MED12L: variants seen among roughly 807,000 people sequenced by gnomAD.
The protein encoded by MED12L is mediator complex subunit 12L, also known as mediator of RNA polymerase II transcription subunit 12-like protein.
Under a neutral mutation model 281.3 loss-of-function variants are expected in MED12L, and 60 were observed. The observed-to-expected ratio is 0.21, with a 90% CI of 0.17 to 0.26. The LOEUF is 0.26. Among genes scored for constraint, MED12L ranks in the 10% least tolerant of loss-of-function variants. The pLI is 1.00. For synonymous variants in MED12L, 974 were observed against 987.2 expected (o/e 0.99, Z 0.25); for missense variants, 2,146 against 2,680.9 (o/e 0.80, Z 4.41).
intron 36 of MED12L, among the ~76,000 whole-genome samples, chr3:151,386,640 G>A (rs1449636946): frequency 1.3e-5 from 2 of 149,500 alleles, no homozygotes; most frequent in African/African-American, 4.9e-5. Flanking sequence ...GCAGTGGCGT[G>A]ATCTCGGCTC....
chr3:151,416,512 A>G lies in MED12L; in HGVS notation c.6408+90A>G, dbSNP rs1560143024. Reference sequence around the variant, plus strand: ...ATGTTCATAAGATTGTTAAGAATCGACAAAGCCTAAGTATACCCTAAAAAT... The same window carrying G: ...ATGTTCATAAGATTGTTAAGAATCGGCAAAGCCTAAGTATACCCTAAAAAT... On this transcript the variant is annotated intron_variant, in intron 43 of 44. Coordinates refer to ENST00000687756, the MANE Select transcript of MED12L (RefSeq NM_001393769.1). 3 of 1,417,536 alleles carry G rather than the reference A, an allele frequency of 2.1e-6. No individual in the cohort carries two copies. In the Admixed American group the frequency reaches 6.3e-5, roughly 30 times the overall value. The allele number at this position is 1,417,536 out of a possible 1,614,324, so 87.8% of individuals were successfully genotyped here. A position where few individuals can be genotyped will look rare whatever the true frequency, so the allele number is the denominator to read the frequency against.
intron 39 of MED12L, 104 bp downstream of exon 39, chr3:151,394,971 G>A: frequency 4.2e-6 from 6 of 1,430,610 alleles, no homozygotes; most frequent in Non-Finnish European, 5.7e-6. Flanking sequence ...GCATATCCCT[G>A]TATACTTGTG....
chr3:151,329,439 A>G (rs1318841610), intron 16 of MED12L: 6 of 1,305,668 alleles, frequency 4.6e-6, no homozygotes, highest in Admixed American at 4.3e-5. Context: ...ATATTCTTTT[A>G]TATAAGCAAG....
intron 16 of MED12L, among the ~76,000 whole-genome samples, chr3:151,205,162 C>G (rs1009929487): frequency 3.3e-5 from 5 of 152,162 alleles, no homozygotes; most frequent in Admixed American, 2.0e-4. Flanking sequence ...ATCTGTTTCA[C>G]TGAGGACAAG....
intron 27 of MED12L, among the ~76,000 whole-genome samples, chr3:151,375,234 C>T (rs1756684526): frequency 1.3e-5 from 2 of 152,108 alleles, no homozygotes; most frequent in African/African-American, 4.8e-5. Flanking sequence ...TTATAAAGAT[C>T]CCAGGTAATT....
chr3:151,118,971 G>A (rs186573131), intron 3 of MED12L, among the ~76,000 whole-genome samples: 41 of 152,306 alleles, frequency 2.7e-4, no homozygotes, highest in African/African-American at 9.6e-4. Context: ...ACAGATGTGA[G>A]CCACTGTGCC....
At chr3:151,328,720 T>C (rs755787621) in intron 16 of MED12L, 12 of 1,613,850 alleles carry the variant, frequency 7.4e-6, no homozygotes, top group Non-Finnish European at 1.0e-5. Flanking sequence ...ACACAAAAGC[T>C]CTGAGCTGCC....
intron 16 of MED12L, among the ~76,000 whole-genome samples, chr3:151,334,950 T>C (rs534051582): frequency 2.0e-5 from 3 of 152,340 alleles, no homozygotes. Flanking sequence ...ACCTTATTTA[T>C]GGACATTGAA....
chr3:151,117,445 T>C (rs1346521155), intron 3 of MED12L, among the ~76,000 whole-genome samples: 2 of 152,180 alleles, frequency 1.3e-5, no homozygotes, highest in African/African-American at 4.8e-5. Flanking sequence ...GACACATAGA[T>C]ACATATTTTT....
chr3:151,291,351 T>C (rs1744241765), intron 16 of MED12L, among the ~76,000 whole-genome samples: 1 of 152,170 alleles, frequency 6.6e-6, no homozygotes, highest in South Asian at 2.1e-4. Context: ...CAAAATACTA[T>C]TATACAATTT....
At chr3:151,413,436 T>C in intron 42 of MED12L, 141 bp downstream of exon 42, 1 of 977,170 alleles carries the variant, frequency 1.0e-6, no homozygotes, top group South Asian at 1.9e-5. Context: ...GGAGCTACAT[T>C]GGTACAATTT....
At chr3:151,105,888 A>G (rs1305168836) in intron 2 of MED12L, among the ~76,000 whole-genome samples, 2 of 152,160 alleles carry the variant, frequency 1.3e-5, no homozygotes, top group Non-Finnish European at 2.9e-5. Context: ...TTCCTCTGCA[A>G]AAAGCCCCCA....
intron 16 of MED12L, among the ~76,000 whole-genome samples, chr3:151,279,251 T>C (rs1380287035): frequency 6.6e-6 from 1 of 152,236 alleles, no homozygotes; most frequent in Non-Finnish European, 1.5e-5. Flanking sequence ...TGCCAAATTA[T>C]GGGTAACAAC....
chr3:151,128,084 G>C, intron 5 of MED12L, 100 bp downstream of exon 5: 1 of 1,074,256 alleles, frequency 9.3e-7, no homozygotes, highest in Non-Finnish European at 1.4e-6. Flanking sequence ...TGAGTGTTGA[G>C]AAGGTCCGTG....
intron 16 of MED12L, among the ~76,000 whole-genome samples, chr3:151,251,005 C>A (rs1736743633): frequency 6.6e-6 from 1 of 152,294 alleles, no homozygotes; most frequent in Middle Eastern, 3.4e-3. Flanking sequence ...ATTAAGGCAG[C>A]TTTTGATGAT....
At chr3:151,320,686 T>C (rs1748892959) in intron 16 of MED12L, among the ~76,000 whole-genome samples, 1 of 152,190 alleles carries the variant, frequency 6.6e-6, no homozygotes, top group Non-Finnish European at 1.5e-5. Context: ...GGTTTGGAGA[T>C]TGAGTCTGGA....
At chr3:151,190,652 C>A in intron 13 of MED12L, 65 bp from the exon 14 acceptor site, 1 of 1,371,460 alleles carries the variant, frequency 7.3e-7, no homozygotes, top group Non-Finnish European at 1.0e-6. Flanking sequence ...AATATTAAGC[C>A]TTAGTAATTA....
At chr3:151,258,892 G>A (rs1318311596) in intron 16 of MED12L, among the ~76,000 whole-genome samples, 1 of 151,282 alleles carries the variant, frequency 6.6e-6, no homozygotes, top group Admixed American at 6.6e-5. Flanking sequence ...CTACTCTAAG[G>A]TAGAGGAGGC....
chr3:151,203,622 AAAG>A (rs1176585087), intron 16 of MED12L, among the ~76,000 whole-genome samples: 4 of 152,230 alleles, frequency 2.6e-5, no homozygotes, highest in South Asian at 2.1e-4. Context: ...ATTATTAAAA[AAAG>A]AAGTAAACAA....
Sources: gnomAD v4.1 joint callset for allele counts (sites outside exome capture counted in the v4.1 genomes callset) on GRCh38, gnomAD v4.1.1 for gene constraint, MANE v1.5 for transcripts, NCBI Gene and HGNC (gene_info 2026-07-23, HGNC 2026-07-21) for gene names.